Variants in NRG2 observed in about 807,000 individuals in gnomAD.
The protein encoded by NRG2 is pro-neuregulin-2, membrane-bound isoform.
A neutral mutation model predicts 73.9 loss-of-function variants in NRG2; 27 were observed. The observed-to-expected ratio is 0.37, with a 90% CI of 0.27 to 0.50. The LOEUF is 0.50. NRG2 is among the 20% of genes least tolerant of loss of function. The pLI, the probability that NRG2 is intolerant of heterozygous loss-of-function variation, is 0.96. For synonymous variants in NRG2, 532 were observed against 541.0 expected, an observed-to-expected ratio of 0.98 and a Z score of 0.23; for missense variants, 1,126 against 1,210.1, an observed-to-expected ratio of 0.93 and a Z score of 1.03.
At chr5:139,921,384 T>A (rs1005017162) in intron 1 of NRG2, among the ~76,000 whole-genome samples, 1 of 151,998 alleles carries the variant, frequency 6.6e-6, no homozygotes, top group Non-Finnish European at 1.5e-5. Context: ...GGGGTATTGG[T>A]GAAAGAAAAG....
At position 139,868,892 on chromosome 5, in the gene NRG2, G is replaced by T. The variant is rs1360027734; in HGVS notation, c.1112+2829C>A. Among the ~76,000 whole-genome samples the T allele has an allele frequency of 6.6e-6, 1 of 152,004 alleles. No homozygotes were observed. Among genetic ancestry groups the T allele is most frequent in the Non-Finnish European group, 1.5e-5 (1 of 67,974 alleles). On this transcript the variant is annotated intron_variant, in intron 4 of 9. Coordinates refer to ENST00000361474, the MANE Select transcript of NRG2 (RefSeq NM_004883.3). The surrounding 1 kb of genome is among the most constrained non-coding windows in gnomAD (Gnocchi z 4.2). The stretch of plus-strand genomic sequence containing the variant: ...GGCAGAGGGATGAGGGGGATGAGCT[G>T]ATGGGAAGGGGAGGCATGCCACTGG...
At position 139,886,318 on chromosome 5, in the gene NRG2, G is replaced by A. The variant is rs146076802; in HGVS notation, c.872+1022C>T. ...AGTCTGAGGGCCAGAGGCAGGGCAT[G>A]GACATCCAGCCCCACATGGCAAACC... On this transcript the variant is annotated intron_variant, in intron 2 of 9. Coordinates refer to ENST00000361474, the MANE Select transcript of NRG2 (RefSeq NM_004883.3). Among the ~76,000 whole-genome samples the A allele has an allele frequency of 5.6e-4, 85 of 152,284 alleles. 1 individual carries two copies. Among genetic ancestry groups the A allele is most frequent in the African/African-American group, 2.0e-3 (82 of 41,574 alleles).
chr5:140,014,893 C>T (rs184640396), intron 1 of NRG2, among the ~76,000 whole-genome samples: 78 of 152,360 alleles, frequency 5.1e-4, no homozygotes, highest in Non-Finnish European at 7.6e-4. Context: ...CCTATTTGAT[C>T]TGGCACCACT....
At chr5:139,938,382 G>A (rs995270883) in intron 1 of NRG2, among the ~76,000 whole-genome samples, 22 of 151,646 alleles carry the variant, frequency 1.5e-4, no homozygotes, top group African/African-American at 5.3e-4. Flanking sequence ...TTTGAGACAG[G>A]GTCTTGTTCT....
At chr5:139,861,901 C>T (rs1186890428) in intron 5 of NRG2, 5 of 440,744 alleles carry the variant, frequency 1.1e-5, no homozygotes, top group Admixed American at 2.4e-5. Flanking sequence ...ACACCTGGGA[C>T]GCAAAGAGGA....
At chr5:139,958,548 G>A (rs1329359132) in intron 1 of NRG2, among the ~76,000 whole-genome samples, 1 of 152,014 alleles carries the variant, frequency 6.6e-6, no homozygotes, top group East Asian at 1.9e-4. Flanking sequence ...TTTTTTGTGG[G>A]TGTTTGCAAT....
In NRG2 at chr5:139,848,637, C is replaced by G; in HGVS notation, c.1833G>C (p.Leu611=). 1 of 1,576,868 alleles carries G rather than the reference C, an allele frequency of 6.3e-7. No homozygotes were observed. The highest frequency in any genetic ancestry group is 8.5e-7 in the Non-Finnish European group (1 of 1,170,974). The part of the protein sequence containing the change: ...RLSPVDFHYS[L]ATQVPTFEIT... ...TCTCGAAAGTTGGCACCTGCGTGGC[C>G]AGCGAGTAGTGGAAGTCCACGGGCG... is the stretch of plus-strand genomic sequence containing the variant. Residue 611 remains leucine (L), a synonymous_variant, in exon 10 of 10, where the codon CTG becomes CTC. Transcript: ENST00000361474.
intron 1 of NRG2, among the ~76,000 whole-genome samples, chr5:140,029,101 C>T (rs1760931740): frequency 6.6e-6 from 1 of 152,168 alleles, no homozygotes; most frequent in Non-Finnish European, 1.5e-5. Flanking sequence ...ACTAAACCTC[C>T]TAGCTGAGCC....
chr5:140,026,395 A>G (rs1760690918), intron 1 of NRG2, among the ~76,000 whole-genome samples: 1 of 152,226 alleles, frequency 6.6e-6, no homozygotes, highest in Non-Finnish European at 1.5e-5. Context: ...GTCTGAAACT[A>G]GGGAATTCCA....
intron 1 of NRG2, among the ~76,000 whole-genome samples, chr5:140,000,456 G>A (rs1476978766): frequency 2.0e-5 from 3 of 152,354 alleles, no homozygotes; most frequent in African/African-American, 7.2e-5. Context: ...AAGAGGGAGA[G>A]GACTGAAGGG....
intron 1 of NRG2, among the ~76,000 whole-genome samples, chr5:139,994,613 T>C (rs1757889881): frequency 6.6e-6 from 1 of 152,200 alleles, no homozygotes; most frequent in African/African-American, 2.4e-5. Context: ...TACTTAGAAA[T>C]AGTTAAGATG....
rs79551762 is a variant in NRG2, at chr5:140,028,932, C to T, written c.700+13438G>A. Among the ~76,000 whole-genome samples, 566 of 152,248 alleles carry T rather than the reference C, an allele frequency of 3.7e-3. 3 individuals carry two copies. The highest frequency in any genetic ancestry group is 0.02 in the Middle Eastern group (6 of 294). ...GCCTAGCCATGGTACTGTGAGGAAA[C>T]CCAGGCAAGGTCCTTGGTCCTCAGA... On this transcript the variant is annotated intron_variant, in intron 1 of 9. Transcript: ENST00000361474.
At chr5:140,005,563 C>G (rs1215961780) in intron 1 of NRG2, among the ~76,000 whole-genome samples, 3 of 152,216 alleles carry the variant, frequency 2.0e-5, no homozygotes, top group Non-Finnish European at 4.4e-5. Context: ...TTCCAATCCC[C>G]ACAGTGAATA....
At position 140,043,226 on chromosome 5, in the gene NRG2, G is replaced by C; in HGVS notation, c.-157C>G. The C allele has an allele frequency of 1.3e-6, 1 of 752,192 alleles. No individual in the cohort carries two copies. The highest frequency in any genetic ancestry group is 2.0e-6 in the Non-Finnish European group (1 of 491,788). 46.6% of individuals were successfully genotyped at this position (752,192 alleles called of 1,614,324 possible). ...GGCCCAGCTAGGGCAGGGGGCAGGC[G>C]GCAAGCGGGCCGCGATGCGCAGCGC... is the stretch of plus-strand genomic sequence containing the variant. On this transcript the variant is annotated 5_prime_UTR_variant, in exon 1 of 10. Coordinates refer to ENST00000361474, the MANE Select transcript of NRG2 (RefSeq NM_004883.3). This position sits in a 1 kb window ranked among gnomAD's most constrained non-coding sequence, Gnocchi z 6.7.
chr5:140,005,417 A>G (rs1758817631), intron 1 of NRG2, among the ~76,000 whole-genome samples: 1 of 152,184 alleles, frequency 6.6e-6, no homozygotes, highest in African/African-American at 2.4e-5. Context: ...CCCCAGCACT[A>G]TGAACATAGA....
intron 1 of NRG2, among the ~76,000 whole-genome samples, chr5:139,903,095 A>T (rs1184537085): frequency 2.6e-5 from 4 of 152,168 alleles, no homozygotes. Context: ...AGGAAAGGAA[A>T]GGGATTTGGC....
In NRG2 at chr5:139,870,208, T is replaced by C. The variant is rs899967369; in HGVS notation, c.1112+1513A>G. On this transcript the variant is annotated intron_variant, in intron 4 of 9. Coordinates refer to ENST00000361474, the MANE Select transcript of NRG2 (RefSeq NM_004883.3). This position sits in a 1 kb window ranked among gnomAD's most constrained non-coding sequence, Gnocchi z 4.4. ...CAGCTAGAATGTTCCCTAGGGTCTGTCATACTAACATGGCAGCCTCCTAGA... is the reference window on the plus strand; with the variant it reads ...CAGCTAGAATGTTCCCTAGGGTCTGCCATACTAACATGGCAGCCTCCTAGA... Among the ~76,000 whole-genome samples, 3 of 151,718 alleles carry C rather than the reference T, an allele frequency of 2.0e-5. No homozygotes were observed. The highest frequency in any genetic ancestry group is 4.9e-5 in the African/African-American group (2 of 41,034).
In NRG2 at chr5:139,870,305, T is replaced by C. The variant is rs1259668494; in HGVS notation, c.1112+1416A>G. Among the ~76,000 whole-genome samples the C allele has an allele frequency of 6.6e-6, 1 of 151,784 alleles. No homozygotes were observed. Among genetic ancestry groups the C allele is most frequent in the African/African-American group, 2.4e-5 (1 of 41,264 alleles). On this transcript the variant is annotated intron_variant, in intron 4 of 9. Transcript: ENST00000361474. The surrounding 1 kb of genome is among the most constrained non-coding windows in gnomAD (Gnocchi z 4.4). ...TCCCTAGAGGGCCTGTTGTTGCTAC[T>C]GGGACTCTCCTCTAAGGTTCAGGGA... is the stretch of plus-strand genomic sequence containing the variant.
chr5:139,928,983 C>T (rs1052700742), intron 1 of NRG2, among the ~76,000 whole-genome samples: 4 of 152,232 alleles, frequency 2.6e-5, no homozygotes, highest in African/African-American at 7.2e-5. Flanking sequence ...CATCTCCCAA[C>T]TTTCCCCCTT....
Sources: gnomAD v4.1 joint callset for allele counts (sites outside exome capture counted in the v4.1 genomes callset) on GRCh38, gnomAD v4.1.1 for gene constraint, Gnocchi (gnomAD v3.1) non-coding constraint, MANE v1.5 for transcripts, NCBI Gene and HGNC (gene_info 2026-07-23, HGNC 2026-07-21) for gene names.